Variants in MGAT3 observed in about 807,000 individuals in gnomAD.
MGAT3 encodes the protein beta-1,4-mannosyl-glycoprotein 4-beta-N-acetylglucosaminyltransferase, also known as GlcNAc-T III.
A neutral mutation model predicts 29.8 loss-of-function variants in MGAT3; 9 were observed. That is an observed-to-expected ratio of 0.30 (90% confidence interval 0.18 to 0.53). The LOEUF (loss-of-function observed/expected upper bound fraction) is 0.53. Ranked by LOEUF, MGAT3 falls within the 20% of genes least tolerant of loss-of-function variation. MGAT3 has a pLI of 0.96. For synonymous variants in MGAT3, 397 were observed against 348.9 expected (o/e 1.14, Z -1.54); for missense variants, 557 against 769.5 (o/e 0.72, Z 3.27).
intron 1 of MGAT3, among the ~76,000 whole-genome samples, chr22:39,463,299 C>T (rs753405081): frequency 1.3e-4 from 20 of 152,322 alleles, no homozygotes; most frequent in Non-Finnish European, 1.9e-4. Context: ...GGGTCCACAG[C>T]TGGGAAGTGG....
Position 39,487,902 on chromosome 22 carries a change from C to G in MGAT3, c.555C>G (p.Pro185=). The G allele has an allele frequency of 1.9e-6, 3 of 1,592,596 alleles. No individual in the cohort carries two copies. Among genetic ancestry groups the G allele is most frequent in the Non-Finnish European group, 2.6e-6 (3 of 1,168,894 alleles). ...GGCACGGACCCAGCTGCGGCGTGCC[C>G]ACTGTGGTGCAGTACTCCAACCTGC... ...PGWHGPSCGV[P]TVVQYSNLPT... Residue 185 remains proline (P), a synonymous_variant, in exon 2 of 2, where the codon CCC becomes CCG. Coordinates refer to ENST00000341184, the MANE Select transcript of MGAT3 (RefSeq NM_002409.5). The surrounding 1 kb of genome is among the most constrained non-coding windows in gnomAD (Gnocchi z 5.7).
intron 1 of MGAT3, among the ~76,000 whole-genome samples, chr22:39,470,735 G>A (rs1244388801): frequency 6.6e-6 from 1 of 152,162 alleles, no homozygotes; most frequent in African/African-American, 2.4e-5. Context: ...CAGAGGACTG[G>A]CCTGTGTCAA....
At chr22:39,464,796 G>A (rs541232437) in intron 1 of MGAT3, among the ~76,000 whole-genome samples, 1 of 151,714 alleles carries the variant, frequency 6.6e-6, no homozygotes, top group East Asian at 1.9e-4. Flanking sequence ...TGTTGCCCAG[G>A]CTGGAGTGCA....
Position 39,472,948 on chromosome 22 carries a change from C to T in MGAT3, c.-1-14399C>T, listed in dbSNP as rs186399734. 3.7e-3 allele frequency: 569 copies of T among 152,570 alleles called. 3 individuals carry two copies. Among genetic ancestry groups the T allele is most frequent in the Admixed American group, 0.01 (158 of 15,294 alleles). 9.5% of individuals were successfully genotyped at this position (152,570 alleles called of 1,614,324 possible). ...AGGCAGGGGTCGGGCAGCTGCAATG[C>T]GGGCTGGAGTCTTGGGGAGTGTGGG... On this transcript the variant is annotated intron_variant, in intron 1 of 1. Transcript: ENST00000341184.
chr22:39,478,412 C>T (rs1447245743), intron 1 of MGAT3, among the ~76,000 whole-genome samples: 1 of 152,214 alleles, frequency 6.6e-6, no homozygotes, highest in Non-Finnish European at 1.5e-5. Context: ...GTGGCTGTCC[C>T]CCAGCTGAAG....
At position 39,488,715 on chromosome 22, in the gene MGAT3, C is replaced by T. The variant is rs753667548; in HGVS notation, c.1368C>T (p.Arg456=). Residue 456 remains arginine, a synonymous_variant, in exon 2 of 2, where the codon CGC becomes CGT. Coordinates refer to ENST00000341184, the MANE Select transcript of MGAT3 (RefSeq NM_002409.5). ...YEDKRDLNYI[R]GLIRTGGWFD... ...ACAAGCGGGACCTGAACTACATCCG[C>T]GGCCTGATCCGCACCGGGGGCTGGT... 32 of 1,613,680 alleles carry T rather than the reference C, an allele frequency of 2.0e-5. No individual in the cohort carries two copies. Among genetic ancestry groups the T allele is most frequent in the Admixed American group, 5.0e-5 (3 of 59,996 alleles).
rs749847440 is a variant in MGAT3, at chr22:39,488,820, C to T, written c.1473C>T (p.Tyr491=). 9 of 1,609,884 alleles carry T rather than the reference C, an allele frequency of 5.6e-6. No individual in the cohort carries two copies. The East Asian group carries it at 8.9e-5, about 16-fold the overall frequency. ...CGCCCAAGTACCTGCTGAAGAACTA[C>T]GACCGGTTCCACTACCTGCTGGACA... is the stretch of plus-strand genomic sequence containing the variant. The part of the protein sequence containing the change: ...MYAPKYLLKN[Y]DRFHYLLDNP... The change falls in exon 2 of 2, where the codon TAC becomes TAT. Residue 491 remains tyrosine (Y), a synonymous_variant. Transcript: ENST00000341184.
At chr22:39,466,006 A>G (rs762743563) in intron 1 of MGAT3, among the ~76,000 whole-genome samples, 1 of 151,898 alleles carries the variant, frequency 6.6e-6, no homozygotes, top group African/African-American at 2.4e-5. Context: ...ACAGAAACCC[A>G]TGTTGATGTT....
intron 1 of MGAT3, among the ~76,000 whole-genome samples, chr22:39,463,144 C>T (rs1333762602): frequency 6.6e-6 from 1 of 152,212 alleles, no homozygotes; most frequent in African/African-American, 2.4e-5. Context: ...TCATAATTTG[C>T]TGCTCTTTAT....
rs73418488 is a variant in MGAT3 at position 39,480,316 on chromosome 22, C to T, written c.-1-7031C>T. On this transcript the variant is annotated intron_variant, in intron 1 of 1. Coordinates refer to ENST00000341184, the MANE Select transcript of MGAT3 (RefSeq NM_002409.5). The stretch of plus-strand genomic sequence containing the variant: ...GAGGGGTTTTGTCCTCAGAGAGCTG[C>T]CTGCCTGGGTCACAGAGGGCGCCCA... Among the ~76,000 whole-genome samples the T allele has an allele frequency of 5.1e-3, 772 of 152,332 alleles. 10 individuals carry two copies. The highest frequency in any genetic ancestry group is 0.017 in the African/African-American group (727 of 41,558).
chr22:39,488,571 G>A lies in MGAT3; in HGVS notation c.1224G>A (p.Leu408=). Residue 408 remains leucine, a synonymous_variant, in exon 2 of 2, where the codon CTG becomes CTA. Coordinates refer to ENST00000341184, the MANE Select transcript of MGAT3 (RefSeq NM_002409.5). ...RTGHILVQWS[L]GSPLHFAGWH... ...GCCACATCCTGGTGCAGTGGTCGCTGGGCAGCCCCCTGCACTTCGCCGGCT... is the reference window on the plus strand; with the variant it reads ...GCCACATCCTGGTGCAGTGGTCGCTAGGCAGCCCCCTGCACTTCGCCGGCT... The A allele has an allele frequency of 6.2e-7, 1 of 1,613,280 alleles. No individual in the cohort carries two copies. The highest frequency in any genetic ancestry group is 1.6e-4 in the Middle Eastern group (1 of 6,062).
At chr22:39,463,906 C>T (rs1450544362) in intron 1 of MGAT3, among the ~76,000 whole-genome samples, 1 of 151,354 alleles carries the variant, frequency 6.6e-6, no homozygotes, top group African/African-American at 2.4e-5. Context: ...CAGAGCAAGA[C>T]CATATCTCAA....
At position 39,467,731 on chromosome 22, in the gene MGAT3, C is replaced by T. The variant is rs9611184; in HGVS notation, c.-2+10174C>T. 9.2e-4 allele frequency among the ~76,000 whole-genome samples: 134 copies of T among 145,634 alleles called. 1 individual carries two copies. Among genetic ancestry groups the T allele is most frequent in the African/African-American group, 2.6e-3 (101 of 39,232 alleles). On this transcript the variant is annotated intron_variant, in intron 1 of 1. Coordinates refer to ENST00000341184, the MANE Select transcript of MGAT3 (RefSeq NM_002409.5). The stretch of plus-strand genomic sequence containing the variant: ...AGTCTGGATCTGTTTCGTTTTGTTT[C>T]GTTTCGTTTCGTTTCTTTCAGATGG...
chr22:39,473,300 G>A (rs1379274659), intron 1 of MGAT3, among the ~76,000 whole-genome samples: 2 of 152,136 alleles, frequency 1.3e-5, no homozygotes, highest in Non-Finnish European at 2.9e-5. Context: ...AGCATATGGC[G>A]AGGGCCCTCA....
chr22:39,467,747 T>C (rs1186481082), intron 1 of MGAT3, among the ~76,000 whole-genome samples: 2 of 148,172 alleles, frequency 1.3e-5, no homozygotes. Flanking sequence ...GTTTCGTTTC[T>C]TTCAGATGGA....
At chr22:39,465,538 GGCAGGCTCTACT>G (rs2145711119) in intron 1 of MGAT3, among the ~76,000 whole-genome samples, 2 of 152,264 alleles carry the variant, frequency 1.3e-5, no homozygotes, top group East Asian at 3.9e-4. Flanking sequence ...TCACCCGTCA[GGCAGGCTCTACT>G]GCAGACACTA....
intron 1 of MGAT3, among the ~76,000 whole-genome samples, chr22:39,460,321 C>T (rs746460909): frequency 6.6e-6 from 1 of 152,162 alleles, no homozygotes; most frequent in South Asian, 2.1e-4. Context: ...CATTGGGGAG[C>T]AGATACCCCT....
chr22:39,465,107 C>T (rs557420893), intron 1 of MGAT3, among the ~76,000 whole-genome samples: 1 of 152,262 alleles, frequency 6.6e-6, no homozygotes, highest in East Asian at 1.9e-4. Context: ...GTCCTGAGCC[C>T]GGAGCACTTT....
In MGAT3 at chr22:39,475,128, C is replaced by CTTTT. The variant is rs58543840; in HGVS notation, c.-1-12200_-1-12197dup. Among the ~76,000 whole-genome samples the CTTTT allele has an allele frequency of 2.5e-4, 30 of 118,762 alleles. 1 individual carries two copies. The highest frequency in any genetic ancestry group is 1.0e-3 in the African/African-American group (27 of 27,054). 77.9% of individuals were successfully genotyped at this position (118,762 alleles called of 152,430 possible). On this transcript the variant is annotated intron_variant, in intron 1 of 1. Transcript: ENST00000341184. The stretch of plus-strand genomic sequence containing the variant: ...TGAATTCACAGCAGGGCTTGCCAGG[C>CTTTT]TTTTTTTTTTTTTTTTTTTTTTAAC...
Sources: gnomAD v4.1 joint callset for allele counts (sites outside exome capture counted in the v4.1 genomes callset) on GRCh38, gnomAD v4.1.1 for gene constraint, Gnocchi (gnomAD v3.1) non-coding constraint, MANE v1.5 for transcripts, NCBI Gene and HGNC (gene_info 2026-07-23, HGNC 2026-07-21) for gene names.